Variants in LTBP1 observed in about 807,000 individuals in gnomAD.
The protein encoded by LTBP1 is latent-transforming growth factor beta-binding protein 1.
In LTBP1, 129 loss-of-function variants were observed where a neutral mutation model predicts 207.6. The observed-to-expected ratio is 0.62, with a 90% confidence interval of 0.54 to 0.72. The LOEUF (loss-of-function observed/expected upper bound fraction) is 0.72. LTBP1 is among the 30% of genes least tolerant of loss of function. LTBP1 has a pLI of 0.00. For missense variants in LTBP1, 2,281 were observed against 2,217.2 expected, an observed-to-expected ratio of 1.03 and a Z score of -0.58; for synonymous variants, 963 against 833.7, an observed-to-expected ratio of 1.16 and a Z score of -2.67.
At chr2:33,159,994 A>G (rs1393874220) in intron 5 of LTBP1, among the ~76,000 whole-genome samples, 2 of 151,764 alleles carry the variant, frequency 1.3e-5, no homozygotes, top group African/African-American at 4.8e-5. Flanking sequence ...CAATTTTTCT[A>G]CCTCAGCCGC....
intron 3 of LTBP1, among the ~76,000 whole-genome samples, chr2:33,021,525 G>C (rs2075167013): frequency 6.6e-6 from 1 of 152,098 alleles, no homozygotes; most frequent in African/African-American, 2.4e-5. Context: ...TAAAAATTCT[G>C]TTTTTGAGGG....
At chr2:33,235,283 C>G (rs2091987222) in intron 9 of LTBP1, among the ~76,000 whole-genome samples, 1 of 152,018 alleles carries the variant, frequency 6.6e-6, no homozygotes, top group Admixed American at 6.6e-5. Flanking sequence ...TTTATGCAGC[C>G]AACAAACATG....
At chr2:33,228,916 G>A (rs1002517116) in intron 9 of LTBP1, among the ~76,000 whole-genome samples, 2 of 151,626 alleles carry the variant, frequency 1.3e-5, no homozygotes, top group Non-Finnish European at 2.9e-5. Context: ...TGCCAGGATG[G>A]TTTTGATCTC....
rs111274642 is a variant in LTBP1 at position 32,997,927 on chromosome 2, C to G, written c.566-22982C>G. 6.9e-3 allele frequency among the ~76,000 whole-genome samples: 1,053 copies of G among 152,192 alleles called. 13 individuals are homozygous for G. The highest frequency in any genetic ancestry group is 0.024 in the African/African-American group (997 of 41,522). Reference sequence around the variant, plus strand: ...TTGTTCTTGCCTCCTTATGTTGGACCTGGTATTGATTTATGAGAAAGTGTT... The same window carrying G: ...TTGTTCTTGCCTCCTTATGTTGGACGTGGTATTGATTTATGAGAAAGTGTT... On this transcript the variant is annotated intron_variant, in intron 2 of 33. Coordinates refer to ENST00000404816, the MANE Select transcript of LTBP1 (RefSeq NM_206943.4).
intron 5 of LTBP1, among the ~76,000 whole-genome samples, chr2:33,150,023 G>A (rs1021198012): frequency 2.6e-5 from 4 of 152,152 alleles, no homozygotes; most frequent in African/African-American, 9.7e-5. Flanking sequence ...TTAAAAGTCT[G>A]ACATATTATT....
At chr2:33,060,649 ATC>A (rs2077220725) in intron 3 of LTBP1, among the ~76,000 whole-genome samples, 1 of 86,012 alleles carries the variant, frequency 1.2e-5, no homozygotes, top group Non-Finnish European at 3.0e-5. Flanking sequence ...TTAAATTCAG[ATC>A]TGTGTGTGTG....
At chr2:33,376,115 A>G (rs1311006719) in intron 31 of LTBP1, among the ~76,000 whole-genome samples, 2 of 152,198 alleles carry the variant, frequency 1.3e-5, no homozygotes, top group African/African-American at 4.8e-5. Flanking sequence ...TTCCTCATAA[A>G]TATTTAATTA....
intron 15 of LTBP1, among the ~76,000 whole-genome samples, chr2:33,267,518 C>T (rs1270718619): frequency 6.6e-6 from 1 of 152,122 alleles, no homozygotes; most frequent in Non-Finnish European, 1.5e-5. Context: ...ATTGAGCACA[C>T]TGATAAGAGA....
intron 31 of LTBP1, among the ~76,000 whole-genome samples, chr2:33,374,161 C>T (rs1249145386): frequency 6.6e-6 from 1 of 152,144 alleles, no homozygotes; most frequent in South Asian, 2.1e-4. Context: ...AAAGGCCTGT[C>T]AGCAGTCACG....
At position 32,947,035 on chromosome 2, in the gene LTBP1, G is replaced by A. The variant is rs2148147071; in HGVS notation, c.-290G>A. 1 of 249,314 alleles carries A rather than the reference G, an allele frequency of 4.0e-6. No homozygotes were observed. The highest frequency in any genetic ancestry group is 7.4e-5 in the East Asian group (1 of 13,454). The allele number at this position is 249,314 out of a possible 1,614,324, so 15.4% of individuals were successfully genotyped here. Reference sequence around the variant, plus strand: ...CGCGCGCTGCAACCCCCGGCCGGACGCGCGGACCCTCACCTTGCGCGGCCC... The same window carrying A: ...CGCGCGCTGCAACCCCCGGCCGGACACGCGGACCCTCACCTTGCGCGGCCC... On this transcript the variant is annotated 5_prime_UTR_variant, in exon 1 of 34. Coordinates refer to ENST00000404816, the MANE Select transcript of LTBP1 (RefSeq NM_206943.4).
rs1265896276 is a variant in LTBP1 at position 33,134,905 on chromosome 2, C to A, written c.1146C>A (p.Leu382=). The A allele has an allele frequency of 6.2e-7, 1 of 1,613,958 alleles. No individual in the cohort carries two copies. Among genetic ancestry groups the A allele is most frequent in the African/African-American group, 1.3e-5 (1 of 75,034 alleles). The change falls in exon 5 of 34, where the codon CTC becomes CTA. Residue 382 remains leucine (L), a synonymous_variant. Coordinates refer to ENST00000404816, the MANE Select transcript of LTBP1 (RefSeq NM_206943.4). This position sits in a 1 kb window ranked among gnomAD's most constrained non-coding sequence, Gnocchi z 4.4. ...GTGAGAAGGGGAACACCACCACTCTCATTAGTGAGAATGGTCATGCTGCCG... is the reference window on the plus strand; with the variant it reads ...GTGAGAAGGGGAACACCACCACTCTAATTAGTGAGAATGGTCATGCTGCCG... The part of the protein sequence containing the change: ...NSCEKGNTTT[L]ISENGHAADT...
At chr2:33,327,961 C>T (rs2094447892) in intron 24 of LTBP1, among the ~76,000 whole-genome samples, 1 of 151,644 alleles carries the variant, frequency 6.6e-6, no homozygotes, top group African/African-American at 2.4e-5. Context: ...CATGGTAAAA[C>T]CCATCTCTAC....
chr2:33,066,003 T>C lies in LTBP1; in HGVS notation c.864-44579T>C, dbSNP rs72793721. Among the ~76,000 whole-genome samples, 1,439 of 152,298 alleles carry C rather than the reference T, an allele frequency of 9.4e-3. 12 individuals are homozygous for C. The highest frequency in any genetic ancestry group is 0.014 in the Non-Finnish European group (971 of 68,022). On this transcript the variant is annotated intron_variant, in intron 3 of 33. Coordinates refer to ENST00000404816, the MANE Select transcript of LTBP1 (RefSeq NM_206943.4). ...TAGTTTATGGCTGTTTGCATTTTTT[T>C]CCTCCTATTTTCCGGCCAGTTTTCT...
At chr2:33,396,516 T>C (rs1373467678) in intron 32 of LTBP1, among the ~76,000 whole-genome samples, 1 of 152,196 alleles carries the variant, frequency 6.6e-6, no homozygotes, top group Non-Finnish European at 1.5e-5. Context: ...GCCCAGACTT[T>C]GGGTTTTCTA....
intron 24 of LTBP1, among the ~76,000 whole-genome samples, chr2:33,331,625 C>A (rs1247352833): frequency 6.6e-6 from 1 of 152,070 alleles, no homozygotes; most frequent in Non-Finnish European, 1.5e-5. Context: ...AGAATATTAT[C>A]AATTTTAGTA....
intron 3 of LTBP1, among the ~76,000 whole-genome samples, chr2:33,045,144 T>C (rs1350608104): frequency 6.6e-6 from 1 of 152,268 alleles, no homozygotes; most frequent in East Asian, 1.9e-4. Flanking sequence ...AATTTTGGCT[T>C]CTGTTGCCAT....
chr2:33,023,044 G>C (rs1381313466), intron 3 of LTBP1, among the ~76,000 whole-genome samples: 1 of 152,132 alleles, frequency 6.6e-6, no homozygotes, highest in South Asian at 2.1e-4. Flanking sequence ...TTTTGTGTGT[G>C]CCAGAACATG....
intron 3 of LTBP1, among the ~76,000 whole-genome samples, chr2:33,048,720 G>C (rs183253787): frequency 1.3e-5 from 2 of 152,262 alleles, no homozygotes; most frequent in Non-Finnish European, 2.9e-5. Context: ...GACAGGGGCT[G>C]ACTCTTCAGA....
chr2:33,328,135 CAATAAATAAATAAATA>C (rs535099037), intron 24 of LTBP1, among the ~76,000 whole-genome samples: 9 of 134,204 alleles, frequency 6.7e-5, no homozygotes, highest in African/African-American at 2.7e-4. Flanking sequence ...GACTCTGTCT[CAATAAATAAATAAATA>C]AATAAATAAA....
Sources: gnomAD v4.1 joint callset for allele counts (sites outside exome capture counted in the v4.1 genomes callset) on GRCh38, gnomAD v4.1.1 for gene constraint, Gnocchi (gnomAD v3.1) non-coding constraint, MANE v1.5 for transcripts, NCBI Gene and HGNC (gene_info 2026-07-23, HGNC 2026-07-21) for gene names.